The following SPMAP2L variants were observed in gnomAD, a reference collection of about 807,000 sequenced individuals.
SPMAP2L encodes sperm microtubule associated protein 2 like.
the SPMAP2L span, chr4:56,530,780 T>C: frequency 4.6e-6 from 7 of 1,535,170 alleles, no homozygotes; most frequent in East Asian, 9.8e-5. Flanking sequence ...CAGAAGCCCA[T>C]TGTGCTCAGG....
chr4:56,592,516 G>A, the SPMAP2L span, among the ~76,000 whole-genome samples: 451 of 152,376 alleles, frequency 3.0e-3, 3 homozygotes, highest in African/African-American at 0.01. Flanking sequence ...GCCCGCGAGC[G>A]TCCATCCATC....
chr4:56,545,737 A>AAG, the SPMAP2L span, among the ~76,000 whole-genome samples: 2 of 150,810 alleles, frequency 1.3e-5, no homozygotes, highest in African/African-American at 4.9e-5. Context: ...AAAAAAAAAA[A>AAG]GCAGTTGGAA....
the SPMAP2L span, among the ~76,000 whole-genome samples, chr4:56,571,095 C>T: frequency 1.3e-5 from 2 of 151,148 alleles, no homozygotes; most frequent in South Asian, 4.2e-4. Flanking sequence ...TGAGCCACCA[C>T]ACCTGGCCTT....
the SPMAP2L span, among the ~76,000 whole-genome samples, chr4:56,550,958 GAA>G: frequency 3.2e-4 from 47 of 147,524 alleles, no homozygotes; most frequent in East Asian, 3.0e-3. Context: ...ATCTCTAACA[GAA>G]AAAAAAAAAA....
chr4:56,603,480 G>A, the SPMAP2L span: 3 of 503,342 alleles, frequency 6.0e-6, no homozygotes, highest in East Asian at 8.9e-5. Flanking sequence ...TCATTAAATA[G>A]CAGTTGTTGC....
At chr4:56,575,524 T>C in the SPMAP2L span, 8 of 1,535,440 alleles carry the variant, frequency 5.2e-6, no homozygotes, top group African/African-American at 1.4e-5. Context: ...CTACCACAGC[T>C]GTGGAAGAGA....
the SPMAP2L span, among the ~76,000 whole-genome samples, chr4:56,538,802 C>T: frequency 6.6e-6 from 1 of 152,114 alleles, no homozygotes; most frequent in Non-Finnish European, 1.5e-5. Flanking sequence ...GACTCCATCT[C>T]AAAAAAGCAA....
chr4:56,594,374 T>C, the SPMAP2L span: 7 of 1,572,060 alleles, frequency 4.5e-6, no homozygotes, highest in Non-Finnish European at 4.4e-6. Flanking sequence ...ACCTATCACA[T>C]GGAAAGAATT....
the SPMAP2L span, among the ~76,000 whole-genome samples, chr4:56,567,943 C>T: frequency 1.3e-5 from 2 of 152,032 alleles, no homozygotes; most frequent in Admixed American, 6.6e-5. Flanking sequence ...TTTTCTGCTC[C>T]TCCTTCTTTG....
the SPMAP2L span, chr4:56,548,750 G>A: frequency 3.6e-6 from 5 of 1,395,664 alleles, no homozygotes; most frequent in Middle Eastern, 3.6e-4. Context: ...TTTGATTCCT[G>A]TTGAATCTAA....
chr4:56,593,213 A>G, the SPMAP2L span: 17 of 1,386,460 alleles, frequency 1.2e-5, no homozygotes, highest in African/African-American at 2.4e-4. Flanking sequence ...GGTGTGTGAC[A>G]TCACAGGCCT....
the SPMAP2L span, among the ~76,000 whole-genome samples, chr4:56,543,893 AGAGTGTGTGTGTGTGTGTGTGT>A: frequency 7.6e-6 from 1 of 132,378 alleles, no homozygotes; most frequent in South Asian, 2.4e-4. Context: ...AGAGAGAGAG[AGAGTGTGTGTGTGTGTGTGTGT>A]GTGTGTGTGT....
chr4:56,548,662 A>G, the SPMAP2L span: 3 of 500,002 alleles, frequency 6.0e-6, no homozygotes, highest in East Asian at 6.8e-5. Flanking sequence ...ACTATGATAT[A>G]TTTCAGTTGG....
At chr4:56,592,311 C>T in the SPMAP2L span, among the ~76,000 whole-genome samples, 9 of 152,274 alleles carry the variant, frequency 5.9e-5, no homozygotes, top group South Asian at 2.1e-4. Flanking sequence ...GGTTGGGGAC[C>T]GCTGCTTTAT....
At chr4:56,559,908 T>C in the SPMAP2L span, among the ~76,000 whole-genome samples, 3 of 152,164 alleles carry the variant, frequency 2.0e-5, no homozygotes, top group African/African-American at 7.2e-5. Flanking sequence ...AGAGCTTTTA[T>C]CTAAAAGCCA....
the SPMAP2L span, chr4:56,595,182 G>A: frequency 6.2e-7 from 1 of 1,611,672 alleles, no homozygotes; most frequent in Non-Finnish European, 8.5e-7. Context: ...ACATGGCCAA[G>A]CGATTAGAAA....
the SPMAP2L span, chr4:56,595,487 C>T: frequency 3.0e-5 from 48 of 1,579,680 alleles, no homozygotes; most frequent in Middle Eastern, 1.8e-4. Context: ...AGGGTCAATC[C>T]GCTGAAGATG....
At chr4:56,585,857 A>G in the SPMAP2L span, among the ~76,000 whole-genome samples, 1 of 152,308 alleles carries the variant, frequency 6.6e-6, no homozygotes, top group Middle Eastern at 3.4e-3. Context: ...TAGGATCATT[A>G]ATGCCTTTAA....
chr4:56,566,714 TTTG>T, the SPMAP2L span, among the ~76,000 whole-genome samples: 289 of 106,506 alleles, frequency 2.7e-3, no homozygotes, highest in African/African-American at 0.014. Context: ...TTTTTTTTTT[TTTG>T]GCAGAGTTTT....
Sources: gnomAD v4.1 joint callset for allele counts (sites outside exome capture counted in the v4.1 genomes callset) on GRCh38, gnomAD v4.1.1 for gene constraint, MANE v1.5 for transcripts, NCBI Gene and HGNC (gene_info 2026-07-23, HGNC 2026-07-21) for gene names.